NAALADL2: variants seen among roughly 807,000 people sequenced by gnomAD.
NAALADL2 encodes the protein N-acetylated alpha-linked acidic dipeptidase like 2.
NAALADL2 carries 76 observed loss-of-function variants against 87.2 expected under a neutral mutation model. The ratio of observed to expected loss-of-function variants is 0.87; its 90% CI spans 0.72 to 1.05. The LOEUF is 1.05. NAALADL2 is among the 50% of genes least tolerant of loss of function. The pLI, the probability that NAALADL2 is intolerant of heterozygous loss-of-function variation, is 0.00. For missense variants in NAALADL2, 1,089 were observed against 945.8 expected, an observed-to-expected ratio of 1.15 and a Z score of -1.99; for synonymous variants, 354 against 331.0, an observed-to-expected ratio of 1.07 and a Z score of -0.75.
chr3:174,451,929 G>A (rs1036372127), intron 1 of NAALADL2, among the ~76,000 whole-genome samples: 4 of 127,758 alleles, frequency 3.1e-5, no homozygotes, highest in African/African-American at 6.1e-5. Context: ...TGCAACCTCC[G>A]CCTCTCGGGT....
chr3:175,348,241 G>T (rs1763366302), intron 5 of NAALADL2, among the ~76,000 whole-genome samples: 1 of 152,016 alleles, frequency 6.6e-6, no homozygotes, highest in African/African-American at 2.4e-5. Context: ...AGTAGAGTCG[G>T]GGTTTCTCCA....
intron 2 of NAALADL2, among the ~76,000 whole-genome samples, chr3:175,107,624 A>G (rs1427825103): frequency 6.6e-6 from 1 of 151,962 alleles, no homozygotes; most frequent in African/African-American, 2.4e-5. Flanking sequence ...AAACCAATGT[A>G]AAATGGTTGC....
chr3:175,311,700 C>CTG (rs1491404352), intron 4 of NAALADL2, among the ~76,000 whole-genome samples: 2 of 144,004 alleles, frequency 1.4e-5, no homozygotes, highest in Non-Finnish European at 3.1e-5. Flanking sequence ...TCCTTCCTTC[C>CTG]TCTCTCCCTC....
At chr3:175,723,608 A>G (rs1029969905) in intron 11 of NAALADL2, among the ~76,000 whole-genome samples, 5 of 152,144 alleles carry the variant, frequency 3.3e-5, no homozygotes, top group African/African-American at 1.2e-4. Context: ...AGGTTAATTT[A>G]TTAGTAATCA....
At chr3:174,926,334 C>G (rs56395928) in intron 1 of NAALADL2, among the ~76,000 whole-genome samples, 16,436 of 152,046 alleles carry the variant, frequency 0.11, 954 homozygotes, top group Middle Eastern at 0.15. Flanking sequence ...GGCCAACATT[C>G]AGATTCAGGA....
intron 12 of NAALADL2, among the ~76,000 whole-genome samples, chr3:175,748,018 T>TA (rs35273834): frequency 1.3e-5 from 2 of 152,084 alleles, no homozygotes; most frequent in African/African-American, 4.8e-5. Context: ...CTTTTTTTTT[T>TA]AAAGTAACCA....
chr3:174,559,329 C>A (rs964819615), intron 2 of NAALADL2, among the ~76,000 whole-genome samples: 1 of 152,102 alleles, frequency 6.6e-6, no homozygotes, highest in Non-Finnish European at 1.5e-5. Flanking sequence ...CCCCACCATA[C>A]CATTGTGAAA....
intron 2 of NAALADL2, among the ~76,000 whole-genome samples, chr3:174,607,575 A>G (rs1366757794): frequency 6.6e-6 from 1 of 151,078 alleles, no homozygotes; most frequent in Non-Finnish European, 1.5e-5. Flanking sequence ...AAAGAAGGCC[A>G]TTACATAATG....
intron 7 of NAALADL2, among the ~76,000 whole-genome samples, chr3:175,464,171 A>T (rs1360276445): frequency 1.3e-5 from 2 of 151,580 alleles, no homozygotes; most frequent in Admixed American, 6.6e-5. Context: ...TTTTTTTTTT[A>T]AATAAAAGTT....
In NAALADL2 at chr3:175,374,873, CAAATAAATAAATAAATAAAT is replaced by C. The variant is rs35005055; in HGVS notation, c.1090+50575_1090+50594del. ...TGGGTGACACAATGAGACCCTGTCG[CAAATAAATAAATAAATAAAT>C]AAATAAATAAATAAATAAATAAATA... is the stretch of plus-strand genomic sequence containing the variant. On this transcript the variant is annotated intron_variant, in intron 5 of 13. Coordinates refer to ENST00000454872, the MANE Select transcript of NAALADL2 (RefSeq NM_207015.3). Among the ~76,000 whole-genome samples, 1,038 of 147,128 alleles carry C rather than the reference CAAATAAATAAATAAATAAAT, an allele frequency of 7.1e-3. 11 individuals are homozygous for C. Among genetic ancestry groups the C allele is most frequent in the African/African-American group, 0.025 (982 of 39,798 alleles).
At chr3:175,637,656 T>C (rs1728733625) in intron 11 of NAALADL2, among the ~76,000 whole-genome samples, 1 of 152,138 alleles carries the variant, frequency 6.6e-6, no homozygotes, top group African/African-American at 2.4e-5. Context: ...CCTTCTTCCA[T>C]GAGTGGAAGA....
chr3:175,502,926 CTT>C lies in NAALADL2; in HGVS notation c.1653+31178_1653+31179del, dbSNP rs34588221. On this transcript the variant is annotated intron_variant, in intron 9 of 13. Transcript: ENST00000454872. ...GGCTTTTTAATGAGATTTTTTTTCT[CTT>C]TTTTTTTTTCACCATTATTTTAGGT... 5.2e-4 allele frequency among the ~76,000 whole-genome samples: 76 copies of C among 145,954 alleles called. 3 individuals carry two copies. Among genetic ancestry groups the C allele is most frequent in the East Asian group, 3.6e-3 (18 of 4,946 alleles).
intron 1 of NAALADL2, among the ~76,000 whole-genome samples, chr3:174,493,730 A>G (rs1366327669): frequency 2.6e-5 from 4 of 152,210 alleles, no homozygotes; most frequent in African/African-American, 9.6e-5. Context: ...GCTCTTACAT[A>G]TCTTTTCATT....
In NAALADL2 at chr3:175,590,825, T is replaced by C. The variant is rs148193617; in HGVS notation, c.1800+14638T>C. ...AAACAATTGGAGTTAAAAGTGTGCA[T>C]AAATCAGGGTTTAATGATTTCAAGG... On this transcript the variant is annotated intron_variant, in intron 10 of 13. Coordinates refer to ENST00000454872, the MANE Select transcript of NAALADL2 (RefSeq NM_207015.3). Among the ~76,000 whole-genome samples the C allele has an allele frequency of 1.7e-3, 255 of 152,288 alleles. 3 individuals carry two copies. Among genetic ancestry groups the C allele is most frequent in the Admixed American group, 6.1e-3 (94 of 15,294 alleles).
At chr3:175,548,844 A>G (rs1172791890) in intron 9 of NAALADL2, among the ~76,000 whole-genome samples, 1 of 152,026 alleles carries the variant, frequency 6.6e-6, no homozygotes, top group Non-Finnish European at 1.5e-5. Flanking sequence ...TGCTGAAGGG[A>G]TGATACTTTA....
intron 5 of NAALADL2, among the ~76,000 whole-genome samples, chr3:175,339,120 TC>T (rs1475414179): frequency 2.6e-5 from 4 of 152,188 alleles, no homozygotes; most frequent in African/African-American, 7.2e-5. Flanking sequence ...TCAAAGCCAT[TC>T]TTCAGCAGAC....
At chr3:174,596,672 G>T (rs747037322) in intron 2 of NAALADL2, among the ~76,000 whole-genome samples, 33 of 152,096 alleles carry the variant, frequency 2.2e-4, no homozygotes, top group Non-Finnish European at 1.6e-4. Flanking sequence ...TGGTAGCTTG[G>T]TCTGTAATTT....
At chr3:175,146,933 A>G (rs1191629573) in intron 2 of NAALADL2, among the ~76,000 whole-genome samples, 1 of 152,164 alleles carries the variant, frequency 6.6e-6, no homozygotes, top group Non-Finnish European at 1.5e-5. Context: ...AAAAATGCAT[A>G]TGATGTAAAT....
At chr3:174,721,417 T>C (rs114130905) in intron 2 of NAALADL2, among the ~76,000 whole-genome samples, 188 of 152,196 alleles carry the variant, frequency 1.2e-3, no homozygotes, top group African/African-American at 4.4e-3. Context: ...CTCCTGAAAA[T>C]TCAGCTTTAT....
Sources: allele counts gnomAD v4.1 joint callset (sites outside exome capture counted in the v4.1 genomes callset), GRCh38; gene constraint gnomAD v4.1.1; transcripts MANE v1.5; gene names NCBI Gene and HGNC (gene_info 2026-07-23, HGNC 2026-07-21).